SHOC2: variants seen among roughly 807,000 people sequenced by gnomAD.
The protein encoded by SHOC2 is leucine-rich repeat protein SHOC-2.
A neutral mutation model predicts 50.2 loss-of-function variants in SHOC2; 4 were observed. The ratio of observed to expected loss-of-function variants is 0.08; its 90% CI spans 0.04 to 0.18. SHOC2 has a LOEUF of 0.18. SHOC2 is among the 10% of genes least tolerant of loss of function. The probability of loss-of-function intolerance (pLI) is 1.00; values close to 1 mark genes in which losing one functional copy is unlikely to be tolerated. For synonymous variants in SHOC2, 218 were observed against 244.5 expected (o/e 0.89, Z 1.01); for missense variants, 388 against 669.6 (o/e 0.58, Z 4.64).
chr10:110,950,073 T>TAA, intron 1 of SHOC2, among the ~76,000 whole-genome samples: 1 of 152,204 alleles, frequency 6.6e-6, no homozygotes, highest in East Asian at 1.9e-4. Context: ...GAAAAAGAGA[T>TAA]AAAAGATGTG....
chr10:111,009,158 T>A, intron 6 of SHOC2, 90 bp from the exon 7 acceptor site: 1 of 853,276 alleles, frequency 1.2e-6, no homozygotes, highest in Non-Finnish European at 1.9e-6. Context: ...TTTGGAAAAT[T>A]AGCATTGCTT....
At chr10:110,947,608 G>T (rs1203025212) in intron 1 of SHOC2, among the ~76,000 whole-genome samples, 1 of 152,164 alleles carries the variant, frequency 6.6e-6, no homozygotes, top group Non-Finnish European at 1.5e-5. Context: ...TGTAAACTTG[G>T]AGAGGGTGTG....
upstream of SHOC2, chr10:110,919,472 A>G (rs1343969748): frequency 2.6e-6 from 1 of 391,634 alleles, no homozygotes; most frequent in Non-Finnish European, 4.5e-6. Context: ...CTAGCGAGTG[A>G]CGGGCCCACG....
At chr10:111,011,510 T>G in intron 8 of SHOC2, 100 bp from the exon 9 acceptor site, 1 of 770,874 alleles carries the variant, frequency 1.3e-6, no homozygotes, top group Non-Finnish European at 2.2e-6. Context: ...AAAGGAAATG[T>G]GTGTTCAGTA....
intron 1 of SHOC2, among the ~76,000 whole-genome samples, chr10:110,953,105 T>C (rs1279633999): frequency 6.6e-6 from 1 of 152,192 alleles, no homozygotes; most frequent in Non-Finnish European, 1.5e-5. Flanking sequence ...CTGGGTCAAA[T>C]GGTATTTCTG....
At chr10:111,006,429 G>A (rs1273988645) in intron 5 of SHOC2, among the ~76,000 whole-genome samples, 1 of 152,124 alleles carries the variant, frequency 6.6e-6, no homozygotes. Flanking sequence ...GGAGTGCAGT[G>A]GCGGGATCTC....
intron 3 of SHOC2, among the ~76,000 whole-genome samples, chr10:110,997,288 A>AATTTTTTAC (rs1301613695): frequency 1.8e-4 from 27 of 152,348 alleles, no homozygotes; most frequent in Admixed American, 1.6e-3. Flanking sequence ...AGGATGTCAC[A>AATTTTTTAC]ATTTTTTAAA....
At chr10:110,950,895 A>T (rs1188169966) in intron 1 of SHOC2, among the ~76,000 whole-genome samples, 1 of 152,236 alleles carries the variant, frequency 6.6e-6, no homozygotes, top group Non-Finnish European at 1.5e-5. Context: ...AATCAACTCA[A>T]AATAGATTAA....
rs1266111609 is a variant in SHOC2 at position 111,005,347 on chromosome 10, A to G, written c.1161+553A>G. ...AGGGATATGTATTGCAGAGCTATCT[A>G]TTTCATAGGTACCAACTTATTAATA... On this transcript the variant is annotated intron_variant, in intron 5 of 8. Transcript: ENST00000369452. Among the ~76,000 whole-genome samples, 4 of 152,184 alleles carry G rather than the reference A, an allele frequency of 2.6e-5. No individual in the cohort carries two copies. In the South Asian group the frequency reaches 6.2e-4, roughly 24 times the overall value.
intron 1 of SHOC2, among the ~76,000 whole-genome samples, chr10:110,959,157 T>G (rs74156320): frequency 0.058 from 8,844 of 152,266 alleles, 333 homozygotes; most frequent in African/African-American, 0.11. Context: ...CAGAAAGCAA[T>G]GAAGAGCAAA....
chr10:110,999,007 A>C (rs957018833), intron 3 of SHOC2, among the ~76,000 whole-genome samples: 1 of 152,256 alleles, frequency 6.6e-6, no homozygotes, highest in Non-Finnish European at 1.5e-5. Context: ...ATCATATGAC[A>C]GCTTTTTGAA....
chr10:110,946,991 A>G (rs1394733921), intron 1 of SHOC2, among the ~76,000 whole-genome samples: 2 of 152,210 alleles, frequency 1.3e-5, no homozygotes, highest in Non-Finnish European at 2.9e-5. Context: ...CCTTCACAAG[A>G]GCTAAGGATT....
chr10:110,985,023 GATAGCTATTA>G (rs1018498911), intron 2 of SHOC2, among the ~76,000 whole-genome samples: 1 of 152,098 alleles, frequency 6.6e-6, no homozygotes, highest in Non-Finnish European at 1.5e-5. Flanking sequence ...AGAAGATACT[GATAGCTATTA>G]ATAGCTAACT....
rs553899781 is a variant in SHOC2, at chr10:111,010,746, T to TGACTTTA, written c.1541-862_1541-856dup. Among the ~76,000 whole-genome samples the TGACTTTA allele has an allele frequency of 5.1e-3, 781 of 152,314 alleles. 8 individuals are homozygous for TGACTTTA. The highest frequency in any genetic ancestry group is 0.018 in the African/African-American group (748 of 41,558). The stretch of plus-strand genomic sequence containing the variant: ...CTAGCCCTGCTGCTTATTGGCTTTG[T>TGACTTTA]GACTTTAGGTAAGGTATGTAAACTC... On this transcript the variant is annotated intron_variant, in intron 8 of 8. Transcript: ENST00000369452.
chr10:110,964,539 C>G lies in SHOC2; in HGVS notation c.181C>G (p.Gln61Glu). ...TGGAAAGAAGGACTCCAGTGCTGCC[C>G]AACCAGGGGTGGCATTTTCAGTTGA... ...KDGKKDSSAA[Q>E]PGVAFSVDNT... is the part of the protein sequence containing the mutation. The change falls in exon 2 of 9, where the codon CAA becomes GAA. Residue 61 changes from glutamine to glutamate, a missense_variant. This residue lies in a region of SHOC2 where 121 missense variants were observed against 145.5 expected (regional missense o/e 0.83). Coordinates refer to ENST00000369452, the MANE Select transcript of SHOC2 (RefSeq NM_007373.4). This position sits in a 1 kb window ranked among gnomAD's most constrained non-coding sequence, Gnocchi z 4.9. 1 of 1,614,032 alleles carries G rather than the reference C, an allele frequency of 6.2e-7. No individual in the cohort carries two copies.
chr10:110,928,338 C>T (rs1224001982), intron 1 of SHOC2, among the ~76,000 whole-genome samples: 2 of 151,712 alleles, frequency 1.3e-5, no homozygotes, highest in Non-Finnish European at 2.9e-5. Context: ...TGTGCAACCC[C>T]GTCATTGTAG....
At chr10:110,957,173 A>G (rs1252583875) in intron 1 of SHOC2, among the ~76,000 whole-genome samples, 2 of 152,208 alleles carry the variant, frequency 1.3e-5, no homozygotes, top group African/African-American at 4.8e-5. Context: ...CTTTCATACC[A>G]TTTAAATGGT....
chr10:110,995,230 T>C (rs1242893667), intron 3 of SHOC2, among the ~76,000 whole-genome samples: 2 of 152,240 alleles, frequency 1.3e-5, no homozygotes, highest in African/African-American at 4.8e-5. Context: ...AGCTCCTCAC[T>C]TACTGGGTTT....
At chr10:110,990,730 A>G (rs913876516) in intron 3 of SHOC2, among the ~76,000 whole-genome samples, 1 of 152,080 alleles carries the variant, frequency 6.6e-6, no homozygotes, top group Non-Finnish European at 1.5e-5. Context: ...GCTCTTTGCA[A>G]TAAATCTTGC....
Sources: gnomAD v4.1 joint callset for allele counts (sites outside exome capture counted in the v4.1 genomes callset) on GRCh38, gnomAD v4.1.1 for gene constraint, gnomAD v4.1.1 regional missense constraint, Gnocchi (gnomAD v3.1) non-coding constraint, MANE v1.5 for transcripts, NCBI Gene and HGNC (gene_info 2026-07-23, HGNC 2026-07-21) for gene names.